CACNA1A: variants seen among roughly 807,000 people sequenced by gnomAD.
The protein encoded by CACNA1A is voltage-dependent P/Q-type calcium channel subunit alpha-1A.
A neutral mutation model predicts 262.4 loss-of-function variants in CACNA1A; 57 were observed. The observed-to-expected ratio is 0.22, with a 90% CI of 0.18 to 0.27. The LOEUF is 0.27. CACNA1A is among the 10% of genes least tolerant of loss of function. The probability of loss-of-function intolerance (pLI) is 1.00; values close to 1 mark genes in which losing one functional copy is unlikely to be tolerated. For synonymous variants in CACNA1A, 1,431 were observed against 1,419.3 expected, an observed-to-expected ratio of 1.01 and a Z score of -0.18; for missense variants, 2,526 against 3,562.8, an observed-to-expected ratio of 0.71 and a Z score of 7.41.
chr19:13,325,584 G>A (rs923607525), intron 10 of CACNA1A, among the ~76,000 whole-genome samples: 5 of 152,130 alleles, frequency 3.3e-5, no homozygotes, highest in Non-Finnish European at 4.4e-5. Flanking sequence ...ACAGGCGCCC[G>A]CCTCCATGCC....
chr19:13,293,860 C>T (rs934070443), intron 19 of CACNA1A, among the ~76,000 whole-genome samples: 39 of 152,056 alleles, frequency 2.6e-4, no homozygotes, highest in African/African-American at 9.2e-4. Context: ...GAAAGTCACA[C>T]AGCCTGGAAG....
chr19:13,308,417 T>C lies in CACNA1A; in HGVS notation c.1780A>G (p.Lys594Glu). 6.2e-7 allele frequency: 1 copy of C among 1,609,294 alleles called. No individual in the cohort carries two copies. The highest frequency in any genetic ancestry group is 8.5e-7 in the Non-Finnish European group (1 of 1,176,620). ...LRLLRIFKVT[K>E]YWASLRNLVV... ...TGTCCAGGAACCCCAAAGACTTACT[T>C]TGTGACTTTGAAAATACGCAATAAC... The change falls in exon 13 of 47, where the codon AAG (lysine) becomes GAG (glutamate). Residue 594 changes from lysine to glutamate, a missense_variant and splice_region_variant. Lys to Glu is a moderately conservative substitution (Grantham distance 56). Coordinates refer to ENST00000360228, the MANE Select transcript of CACNA1A (RefSeq NM_001127222.2). This position sits in a 1 kb window ranked among gnomAD's most constrained non-coding sequence, Gnocchi z 4.2.
intron 1 of CACNA1A, among the ~76,000 whole-genome samples, chr19:13,466,977 TC>T (rs1360603940): frequency 6.6e-6 from 1 of 150,772 alleles, no homozygotes; most frequent in Non-Finnish European, 1.5e-5. Flanking sequence ...CAAGCTATCC[TC>T]CTGCCTCCCC....
In CACNA1A at chr19:13,280,712, G is replaced by A. The variant is rs559359819; in HGVS notation, c.3822+2555C>T. On this transcript the variant is annotated intron_variant, in intron 22 of 46. Coordinates refer to ENST00000360228, the MANE Select transcript of CACNA1A (RefSeq NM_001127222.2). The stretch of plus-strand genomic sequence containing the variant: ...TCCCAGCACTTTGGGAGGCCAAGGC[G>A]GGCGGATCACTTGAGGTCAGGAGTT... 1.7e-3 allele frequency among the ~76,000 whole-genome samples: 258 copies of A among 152,106 alleles called. 1 individual carries two copies. The highest frequency in any genetic ancestry group is 3.1e-3 in the Non-Finnish European group (214 of 67,958).
At chr19:13,230,712 C>A (rs951832308) in intron 35 of CACNA1A, among the ~76,000 whole-genome samples, 7 of 151,730 alleles carry the variant, frequency 4.6e-5, no homozygotes, top group African/African-American at 7.3e-5. Flanking sequence ...GAGGTTGAAG[C>A]TGAAGAATCG....
Position 13,412,886 on chromosome 19 carries a change from G to T in CACNA1A, c.539+39990C>A, listed in dbSNP as rs8101022. Among the ~76,000 whole-genome samples, 1,445 of 152,280 alleles carry T rather than the reference G, an allele frequency of 9.5e-3. 17 individuals carry two copies. Among genetic ancestry groups the T allele is most frequent in the African/African-American group, 0.033 (1,385 of 41,560 alleles). On this transcript the variant is annotated intron_variant, in intron 3 of 46. Coordinates refer to ENST00000360228, the MANE Select transcript of CACNA1A (RefSeq NM_001127222.2). ...AAAGATTTGAAGACTACTTTGGTAG[G>T]CATTTCTGAAGTGGGACATGTTATG... is the stretch of plus-strand genomic sequence containing the variant.
intron 17 of CACNA1A, among the ~76,000 whole-genome samples, chr19:13,301,788 G>C (rs574342795): frequency 1.3e-5 from 2 of 152,300 alleles, no homozygotes; most frequent in South Asian, 4.1e-4. Flanking sequence ...ACTGGAACGG[G>C]GAGCAACCTT....
In CACNA1A at chr19:13,241,716, A is replaced by G. The variant is rs1460962770; in HGVS notation, c.4950+3466T>C. Among the ~76,000 whole-genome samples, 1 of 152,182 alleles carries G rather than the reference A, an allele frequency of 6.6e-6. No individual in the cohort carries two copies. Among genetic ancestry groups the G allele is most frequent in the Non-Finnish European group, 1.5e-5 (1 of 68,032 alleles). On this transcript the variant is annotated intron_variant, in intron 31 of 46. Transcript: ENST00000360228. The surrounding 1 kb of genome is among the most constrained non-coding windows in gnomAD (Gnocchi z 4.0). Reference sequence around the variant, plus strand: ...TCATTGGTGTATGAACACACAGACCATGTCATGGATGAACAAATGAATTTC... The same window carrying G: ...TCATTGGTGTATGAACACACAGACCGTGTCATGGATGAACAAATGAATTTC...
chr19:13,326,075 G>A (rs985474437), intron 10 of CACNA1A, among the ~76,000 whole-genome samples: 16 of 152,030 alleles, frequency 1.1e-4, no homozygotes, highest in Non-Finnish European at 4.4e-5. Context: ...CAGCACTTTC[G>A]GAGGCTGAGG....
intron 18 of CACNA1A, among the ~76,000 whole-genome samples, chr19:13,299,580 C>G (rs889439407): frequency 3.3e-5 from 5 of 152,184 alleles, no homozygotes; most frequent in Admixed American, 2.6e-4. Flanking sequence ...AGTCCTCCCC[C>G]CTGACCCAGA....
intron 10 of CACNA1A, 137 bp from the exon 11 acceptor site, chr19:13,317,458 C>G (rs2058150712): frequency 1.5e-6 from 1 of 657,940 alleles, no homozygotes; most frequent in South Asian, 2.0e-5. Flanking sequence ...AGGGAACCAT[C>G]ATGACCCATG....
At chr19:13,310,981 C>T (rs563831614) in intron 12 of CACNA1A, among the ~76,000 whole-genome samples, 6 of 151,992 alleles carry the variant, frequency 3.9e-5, no homozygotes, top group East Asian at 3.9e-4. Flanking sequence ...TTAGTATAGA[C>T]GGGGTTTCGC....
At chr19:13,297,661 T>C (rs915289065) in intron 19 of CACNA1A, among the ~76,000 whole-genome samples, 5 of 152,074 alleles carry the variant, frequency 3.3e-5, no homozygotes, top group African/African-American at 1.2e-4. Context: ...ACACTGTCTC[T>C]ACAAAAATTA....
intron 6 of CACNA1A, among the ~76,000 whole-genome samples, chr19:13,339,313 C>T (rs571213947): frequency 1.4e-4 from 22 of 152,030 alleles, no homozygotes; most frequent in South Asian, 4.2e-4. Flanking sequence ...TATAGGAGGT[C>T]CCTAGAGTCG....
At chr19:13,491,846 A>G (rs1980923247) in intron 1 of CACNA1A, among the ~76,000 whole-genome samples, 1 of 152,152 alleles carries the variant, frequency 6.6e-6, no homozygotes, top group Non-Finnish European at 1.5e-5. Context: ...TAAATTTTAA[A>G]AAGGGCTTGT....
At chr19:13,456,381 G>C (rs2061006908) in intron 1 of CACNA1A, among the ~76,000 whole-genome samples, 1 of 152,026 alleles carries the variant, frequency 6.6e-6, no homozygotes, top group Admixed American at 6.6e-5. Context: ...ACTATATAAA[G>C]AACATTTACG....
intron 6 of CACNA1A, among the ~76,000 whole-genome samples, chr19:13,342,996 C>A (rs143591937): frequency 2.7e-4 from 41 of 152,306 alleles, no homozygotes; most frequent in African/African-American, 9.6e-4. Context: ...CTCAAGTGAT[C>A]CTCCTGCTTC....
Position 13,430,043 on chromosome 19 carries a change from G to A in CACNA1A, c.539+22833C>T, listed in dbSNP as rs147403053. On this transcript the variant is annotated intron_variant, in intron 3 of 46. Coordinates refer to ENST00000360228, the MANE Select transcript of CACNA1A (RefSeq NM_001127222.2). ...GGGAGAGGGGAAGGGGGAGCGGGGA[G>A]TGAGAGTTTCCTGGGGGCAGAGCTT... 4.8e-3 allele frequency among the ~76,000 whole-genome samples: 680 copies of A among 141,350 alleles called. 14 individuals carry two copies. Among genetic ancestry groups the A allele is most frequent in the African/African-American group, 0.018 (646 of 36,812 alleles). The allele number at this position is 141,350 out of a possible 152,430, so 92.7% of individuals were successfully genotyped here.
At chr19:13,456,085 G>A (rs182543259) in intron 1 of CACNA1A, among the ~76,000 whole-genome samples, 3 of 151,900 alleles carry the variant, frequency 2.0e-5, no homozygotes, top group East Asian at 3.9e-4. Context: ...GGGAGGTGGA[G>A]GTTGCAGTGA....
Sources: gnomAD v4.1 joint callset for allele counts (sites outside exome capture counted in the v4.1 genomes callset) on GRCh38, gnomAD v4.1.1 for gene constraint, Gnocchi (gnomAD v3.1) non-coding constraint, MANE v1.5 for transcripts, NCBI Gene and HGNC (gene_info 2026-07-23, HGNC 2026-07-21) for gene names.